VAMP5: variants seen among roughly 807,000 people sequenced by gnomAD.
VAMP5 encodes vesicle associated membrane protein 5.
A neutral mutation model predicts 8.1 loss-of-function variants in VAMP5; 10 were observed. The observed-to-expected ratio is 1.23, with a 90% CI of 0.76 to 2.09. The LOEUF (loss-of-function observed/expected upper bound fraction) is 2.09. Among genes scored for constraint, VAMP5 ranks in the 30% most tolerant of loss-of-function variants. The probability of loss-of-function intolerance (pLI) is 0.00; values close to 1 mark genes in which losing one functional copy is unlikely to be tolerated. For missense variants in VAMP5, 135 were observed against 152.5 expected, an observed-to-expected ratio of 0.89 and a Z score of 0.60; for synonymous variants, 62 against 60.6, an observed-to-expected ratio of 1.02 and a Z score of -0.11.
chr2:85,593,400 A>G lies in VAMP5; in HGVS notation c.*243A>G, dbSNP rs1225658275. The G allele has an allele frequency of 5.4e-6, 3 of 554,236 alleles. No individual in the cohort carries two copies. Among genetic ancestry groups the G allele is most frequent in the Non-Finnish European group, 9.7e-6 (3 of 307,934 alleles). The allele number at this position is 554,236 out of a possible 1,614,324, so 34.3% of individuals were successfully genotyped here. A position where few individuals can be genotyped will look rare whatever the true frequency, so the allele number is the denominator to read the frequency against. The stretch of plus-strand genomic sequence containing the variant: ...AACTGCTGTTTGATTAAAAGCTGGT[A>G]TCTGTGTGTGAAGGTCCCCAGGTTG... On this transcript the variant is annotated 3_prime_UTR_variant, in exon 3 of 3. Transcript: ENST00000306384.
At chr2:85,590,322 T>C (rs888335657) in intron 1 of VAMP5, among the ~76,000 whole-genome samples, 4 of 152,220 alleles carry the variant, frequency 2.6e-5, no homozygotes, top group Admixed American at 2.0e-4. Context: ...TGTATCGTAA[T>C]TGGCCCACTC....
chr2:85,590,152 G>A (rs556537580), intron 1 of VAMP5, among the ~76,000 whole-genome samples: 4 of 152,310 alleles, frequency 2.6e-5, no homozygotes, highest in African/African-American at 9.6e-5. Flanking sequence ...CTCCCCTACA[G>A]TGGTTTGCCT....
intron 1 of VAMP5, among the ~76,000 whole-genome samples, chr2:85,584,737 C>T (rs1672439879): frequency 6.6e-6 from 1 of 152,254 alleles, no homozygotes; most frequent in Non-Finnish European, 1.5e-5. Flanking sequence ...GACTCGGGCT[C>T]CCCATTCTCC....
intron 1 of VAMP5, 81 bp downstream of exon 1, chr2:85,584,574 C>T (rs1672435909): frequency 8.1e-6 from 10 of 1,230,616 alleles, no homozygotes; most frequent in Non-Finnish European, 1.0e-5. Context: ...GTCCAAAGTC[C>T]GCGGGCTGGG....
intron 1 of VAMP5, 31 bp from the exon 2 acceptor site, chr2:85,591,694 A>G: frequency 1.2e-6 from 2 of 1,613,662 alleles, no homozygotes; most frequent in East Asian, 4.5e-5. Context: ...TGGGGGCCTC[A>G]TGCAGCCCTG....
At chr2:85,589,738 A>G (rs1478913344) in intron 1 of VAMP5, among the ~76,000 whole-genome samples, 1 of 150,440 alleles carries the variant, frequency 6.6e-6, no homozygotes, top group African/African-American at 2.5e-5. Flanking sequence ...GCTCACTGCA[A>G]CCTCCGCCAC....
intron 1 of VAMP5, among the ~76,000 whole-genome samples, chr2:85,589,848 G>A (rs1672514089): frequency 6.6e-6 from 1 of 152,090 alleles, no homozygotes; most frequent in South Asian, 2.1e-4. Flanking sequence ...AGTAGAGACA[G>A]GGTTTCACCA....
intron 1 of VAMP5, among the ~76,000 whole-genome samples, chr2:85,589,650 T>A (rs1329045787): frequency 2.6e-5 from 4 of 152,144 alleles, no homozygotes; most frequent in Non-Finnish European, 5.9e-5. Flanking sequence ...CTATTTAATT[T>A]TGTTTTTTGT....
intron 1 of VAMP5, among the ~76,000 whole-genome samples, chr2:85,587,402 C>T (rs575867670): frequency 2.0e-5 from 3 of 151,794 alleles, no homozygotes; most frequent in East Asian, 2.0e-4. Flanking sequence ...TACAGGTGCC[C>T]GCCACCACGC....
In VAMP5 at chr2:85,584,487, A is replaced by C. The variant is rs892116572; in HGVS notation, c.-4A>C. 9 of 1,243,078 alleles carry C rather than the reference A, an allele frequency of 7.2e-6. No individual in the cohort carries two copies. In the African/African-American group the frequency reaches 1.2e-4, roughly 17 times the overall value. 77.0% of individuals were successfully genotyped at this position (1,243,078 alleles called of 1,614,324 possible). A position where few individuals can be genotyped will look rare whatever the true frequency, so the allele number is the denominator to read the frequency against. ...GAGCGGGCGAGGCGGCGGCGGCAGC[A>C]GCGATGGTGAGGGCCCAGGCGGGGC... On this transcript the variant is annotated 5_prime_UTR_variant, in exon 1 of 3. Coordinates refer to ENST00000306384, the MANE Select transcript of VAMP5 (RefSeq NM_006634.3).
Position 85,593,261 on chromosome 2 carries a change from A to C in VAMP5, c.*104A>C. The C allele has an allele frequency of 8.0e-7, 1 of 1,251,848 alleles. No homozygotes were observed. The highest frequency in any genetic ancestry group is 1.1e-6 in the Non-Finnish European group (1 of 885,686). 77.5% of individuals were successfully genotyped at this position (1,251,848 alleles called of 1,614,324 possible). Reference sequence around the variant, plus strand: ...CCTTGACCCACCCCAGTGAGTGCCAAAGGGCAGCCCCAACATGTGCACCCC... The same window carrying C: ...CCTTGACCCACCCCAGTGAGTGCCACAGGGCAGCCCCAACATGTGCACCCC... On this transcript the variant is annotated 3_prime_UTR_variant, in exon 3 of 3. Coordinates refer to ENST00000306384, the MANE Select transcript of VAMP5 (RefSeq NM_006634.3).
chr2:85,593,357 C>T lies in VAMP5; in HGVS notation c.*200C>T. On this transcript the variant is annotated 3_prime_UTR_variant, in exon 3 of 3. Coordinates refer to ENST00000306384, the MANE Select transcript of VAMP5 (RefSeq NM_006634.3). ...TGTACTGGCCATGCTGGGCCAGCCC[C>T]ACCTGGAGCTCAGTAAAAACTGCTG... 1.6e-6 allele frequency: 1 copy of T among 618,170 alleles called. No homozygotes were observed. Among genetic ancestry groups the T allele is most frequent in the Non-Finnish European group, 2.8e-6 (1 of 352,388 alleles). 38.3% of individuals were successfully genotyped at this position (618,170 alleles called of 1,614,324 possible).
chr2:85,590,277 C>T (rs1247493875), intron 1 of VAMP5, among the ~76,000 whole-genome samples: 1 of 152,182 alleles, frequency 6.6e-6, no homozygotes, highest in Non-Finnish European at 1.5e-5. Flanking sequence ...GCTGGGAGAA[C>T]ATCTCTTGAG....
intron 1 of VAMP5, 61 bp from the exon 2 acceptor site, chr2:85,591,664 A>G (rs913781758): frequency 3.1e-6 from 5 of 1,609,460 alleles, no homozygotes; most frequent in Admixed American, 3.4e-5. Context: ...TCTAGATCTC[A>G]GGGGCAGATG....
At chr2:85,589,002 AGGC>A (rs1401469481) in intron 1 of VAMP5, among the ~76,000 whole-genome samples, 2 of 152,204 alleles carry the variant, frequency 1.3e-5, no homozygotes, top group Non-Finnish European at 2.9e-5. Context: ...AGGCACAATT[AGGC>A]CAGGCATGAT....
At chr2:85,588,878 C>G (rs755476521) in intron 1 of VAMP5, among the ~76,000 whole-genome samples, 6 of 152,196 alleles carry the variant, frequency 3.9e-5, no homozygotes, top group Non-Finnish European at 7.3e-5. Flanking sequence ...CCATGGCACC[C>G]TCTCTGTGGC....
At chr2:85,585,653 G>T (rs1372951122) in intron 1 of VAMP5, among the ~76,000 whole-genome samples, 2 of 152,234 alleles carry the variant, frequency 1.3e-5, no homozygotes, top group Non-Finnish European at 2.9e-5. Flanking sequence ...AAGGCTGAAG[G>T]CAGGATATTT....
intron 1 of VAMP5, among the ~76,000 whole-genome samples, chr2:85,588,374 T>G (rs1672493099): frequency 6.6e-6 from 1 of 152,084 alleles, no homozygotes; most frequent in African/African-American, 2.4e-5. Flanking sequence ...TCAAGAACAT[T>G]TCCTGTGTAA....
chr2:85,593,285 C>T lies in VAMP5; in HGVS notation c.*128C>T, dbSNP rs1672577454. The T allele has an allele frequency of 3.1e-6, 3 of 970,426 alleles. No individual in the cohort carries two copies. Among genetic ancestry groups the T allele is most frequent in the Non-Finnish European group, 4.7e-6 (3 of 642,482 alleles). The allele number at this position is 970,426 out of a possible 1,614,324, so 60.1% of individuals were successfully genotyped here. ...AAAGGGCAGCCCCAACATGTGCACC[C>T]CTGCATTTCCTGTCATGCCACAGAC... On this transcript the variant is annotated 3_prime_UTR_variant, in exon 3 of 3. Transcript: ENST00000306384.
Sources: allele counts gnomAD v4.1 joint callset (sites outside exome capture counted in the v4.1 genomes callset), GRCh38; gene constraint gnomAD v4.1.1; transcripts MANE v1.5; gene names NCBI Gene and HGNC (gene_info 2026-07-23, HGNC 2026-07-21).